ARHGEF10: variants seen among roughly 807,000 people sequenced by gnomAD.
ARHGEF10 encodes Rho guanine nucleotide exchange factor 10, also known as Rho guanine nucleotide exchange factor (GEF) 10.
Under a neutral mutation model 147.4 loss-of-function variants are expected in ARHGEF10, and 140 were observed. The ratio of observed to expected loss-of-function variants is 0.95; its 90% CI spans 0.83 to 1.09. The LOEUF is 1.09. ARHGEF10 is among the 50% of genes least tolerant of loss of function. ARHGEF10 has a pLI of 0.00. For synonymous variants in ARHGEF10, 902 were observed against 695.8 expected (o/e 1.30, Z -4.67); for missense variants, 2,222 against 1,752.7 (o/e 1.27, Z -4.78).
intron 26 of ARHGEF10, among the ~76,000 whole-genome samples, chr8:1,944,642 A>G (rs954299053): frequency 2.0e-5 from 3 of 152,216 alleles, no homozygotes; most frequent in African/African-American, 7.2e-5. Flanking sequence ...TATGAGTTTC[A>G]TCACTTTACT....
intron 6 of ARHGEF10, 55 bp downstream of exon 6, chr8:1,866,657 C>G (rs1325640879): frequency 3.3e-6 from 5 of 1,534,878 alleles, no homozygotes; most frequent in African/African-American, 1.4e-5. Context: ...ACAGACGTCA[C>G]TGCGGCGGGG....
At position 1,923,488 on chromosome 8, in the gene ARHGEF10, C is replaced by G; in HGVS notation, c.2280C>G (p.Ala760=). Reference sequence around the variant, plus strand: ...TGTAGAACTTAAACCAGTCAGTAGCCCATGACTGGACATCAGGTTTACAAA... The same window carrying G: ...TGTAGAACTTAAACCAGTCAGTAGCGCATGACTGGACATCAGGTTTACAAA... ...GNYQNLNQSV[A]HDWTSGLQRL... is the part of the protein sequence containing the mutation. The change falls in exon 20 of 29, where the codon GCC becomes GCG. Residue 760 remains alanine, a synonymous_variant. Coordinates refer to ENST00000349830, the MANE Select transcript of ARHGEF10 (RefSeq NM_014629.4). The G allele has an allele frequency of 6.2e-7, 1 of 1,613,994 alleles. No homozygotes were observed. The highest frequency in any genetic ancestry group is 8.5e-7 in the Non-Finnish European group (1 of 1,180,018).
Position 1,882,709 on chromosome 8 carries a change from G to T in ARHGEF10, c.1035G>T (p.Arg345Ser), listed in dbSNP as rs1808313898. The T allele has an allele frequency of 1.9e-6, 3 of 1,556,214 alleles. No individual in the cohort carries two copies. Among genetic ancestry groups the T allele is most frequent in the Non-Finnish European group, 2.6e-6 (3 of 1,149,228 alleles). Residue 345 changes from arginine to serine, a missense_variant, in exon 10 of 29, where the codon AGG becomes AGT. Arg to Ser is a moderately radical substitution (Grantham distance 110). Coordinates refer to ENST00000349830, the MANE Select transcript of ARHGEF10 (RefSeq NM_014629.4). ...GLERTRAAVK[R>S]GRSFIRTKSL... ...AGAGGACCAGGGCAGCCGTGAAGAG[G>T]GGCCGCTCCTTCATCAGGACCAAGT...
intron 17 of ARHGEF10, among the ~76,000 whole-genome samples, chr8:1,906,213 GAAACTAA>G (rs1421914658): frequency 1.3e-5 from 2 of 152,188 alleles, no homozygotes; most frequent in African/African-American, 4.8e-5. Flanking sequence ...GGATATGTGA[GAAACTAA>G]AAGGTCTTCA....
chr8:1,915,207 G>A (rs1269569755), intron 18 of ARHGEF10, among the ~76,000 whole-genome samples: 1 of 152,182 alleles, frequency 6.6e-6, no homozygotes, highest in East Asian at 1.9e-4. Context: ...GAGAGGATGG[G>A]CGCTGACTCC....
chr8:1,939,017 G>C, intron 26 of ARHGEF10, among the ~76,000 whole-genome samples: 1 of 146,122 alleles, frequency 6.8e-6, no homozygotes, highest in Non-Finnish European at 1.5e-5. Flanking sequence ...CCAGTCCCCA[G>C]AAACCCTGAA....
intron 17 of ARHGEF10, among the ~76,000 whole-genome samples, chr8:1,908,955 C>T (rs140312446): frequency 1.4e-3 from 220 of 152,316 alleles, no homozygotes; most frequent in African/African-American, 5.0e-3. Flanking sequence ...TCTCTATCCA[C>T]ATAGGAGACT....
chr8:1,868,031 C>G (rs548001367), intron 6 of ARHGEF10, among the ~76,000 whole-genome samples: 1 of 152,148 alleles, frequency 6.6e-6, no homozygotes, highest in Admixed American at 6.5e-5. Flanking sequence ...TCTCATTACT[C>G]ATTTTTATTA....
intron 18 of ARHGEF10, among the ~76,000 whole-genome samples, chr8:1,918,601 G>A (rs1436685875): frequency 1.3e-5 from 2 of 151,966 alleles, no homozygotes; most frequent in Admixed American, 1.3e-4. Context: ...TTGTGGAATG[G>A]CTAAATCAAG....
chr8:1,890,135 GGGGTGAGGGTTTGTGAGGAGACACT>G (rs1809346432), intron 11 of ARHGEF10, among the ~76,000 whole-genome samples: 7 of 27,692 alleles, frequency 2.5e-4, no homozygotes, highest in African/African-American at 8.4e-4. Context: ...AAAACGGAGT[GGGGTGAGGGTTTGTGAGGAGACACT>G]GAGTGGGGTG....
chr8:1,860,165 C>T lies in ARHGEF10; in HGVS notation c.462C>T (p.Ala154=). 6.2e-7 allele frequency: 1 copy of T among 1,613,460 alleles called. No homozygotes were observed. The highest frequency in any genetic ancestry group is 2.2e-5 in the East Asian group (1 of 44,862). ...PAYSSPVIIC[A]TSLDEEETPE... The stretch of plus-strand genomic sequence containing the variant: ...ACTCCAGCCCGGTCATCATCTGCGC[C>T]ACGTCCCTGGACGAAGAAGGTACTG... The change falls in exon 4 of 29, where the codon GCC becomes GCT. Residue 154 remains alanine, a synonymous_variant. Transcript: ENST00000349830.
At chr8:1,898,674 G>A in intron 15 of ARHGEF10, 149 bp downstream of exon 15, 2 of 860,848 alleles carry the variant, frequency 2.3e-6, no homozygotes, top group Non-Finnish European at 3.8e-6. Context: ...GGAGGGTAGA[G>A]GCAGGTGGAG....
intron 26 of ARHGEF10, among the ~76,000 whole-genome samples, chr8:1,942,186 A>C (rs1280985014): frequency 1.3e-5 from 2 of 150,688 alleles, no homozygotes; most frequent in Non-Finnish European, 2.9e-5. Context: ...AAGACAACCC[A>C]CAGAGTGGGA....
At position 1,884,127 on chromosome 8, in the gene ARHGEF10, C is replaced by T. The variant is rs527796650; in HGVS notation, c.1075+1378C>T. Among the ~76,000 whole-genome samples, 3 of 152,290 alleles carry T rather than the reference C, an allele frequency of 2.0e-5. No homozygotes were observed. The East Asian group carries it at 5.8e-4, about 29-fold the overall frequency. Reference sequence around the variant, plus strand: ...GCAAATCCTTGGCCGGGCACGGTGGCTCATGCCTGTAATCCCAGCATTTTT... The same window carrying T: ...GCAAATCCTTGGCCGGGCACGGTGGTTCATGCCTGTAATCCCAGCATTTTT... On this transcript the variant is annotated intron_variant, in intron 10 of 28. Coordinates refer to ENST00000349830, the MANE Select transcript of ARHGEF10 (RefSeq NM_014629.4).
chr8:1,891,213 C>G (rs1034174569), intron 11 of ARHGEF10, among the ~76,000 whole-genome samples: 3 of 152,188 alleles, frequency 2.0e-5, no homozygotes, highest in Non-Finnish European at 2.9e-5. Context: ...TTTCATGCAG[C>G]TTTCTTTATT....
chr8:1,932,380 G>A (rs1813219436), intron 25 of ARHGEF10, among the ~76,000 whole-genome samples: 2 of 152,200 alleles, frequency 1.3e-5, no homozygotes, highest in Admixed American at 1.3e-4. Flanking sequence ...GAGTGCACAT[G>A]TGCAGACGTG....
At chr8:1,840,105 T>G (rs1267465772) in intron 1 of ARHGEF10, among the ~76,000 whole-genome samples, 248 of 56,704 alleles carry the variant, frequency 4.4e-3, no homozygotes, top group Middle Eastern at 0.033. Context: ...CGGTGTGGAA[T>G]CTGTCCGGTG....
chr8:1,844,048 G>A (rs1342153514), intron 2 of ARHGEF10, among the ~76,000 whole-genome samples: 6 of 152,340 alleles, frequency 3.9e-5, no homozygotes, highest in African/African-American at 4.8e-5. Context: ...ATGGCAGGTC[G>A]TCTGCAGGGC....
chr8:1,934,621 G>A (rs1464938153), intron 26 of ARHGEF10, among the ~76,000 whole-genome samples: 3 of 152,162 alleles, frequency 2.0e-5, no homozygotes, highest in Non-Finnish European at 2.9e-5. Context: ...AGAATCAGGA[G>A]ACAAGTGGGC....
Sources: allele counts gnomAD v4.1 joint callset (sites outside exome capture counted in the v4.1 genomes callset), GRCh38; gene constraint gnomAD v4.1.1; transcripts MANE v1.5; gene names NCBI Gene and HGNC (gene_info 2026-07-23, HGNC 2026-07-21).